The following DYRK1A variants were observed in gnomAD, a reference collection of about 807,000 sequenced individuals.
DYRK1A encodes dual specificity tyrosine phosphorylation regulated kinase 1A, also known as dual specificity tyrosine-phosphorylation-regulated kinase 1A.
In DYRK1A, 9 loss-of-function variants were observed where a neutral mutation model predicts 79.7. The observed-to-expected ratio is 0.11, with a 90% CI of 0.07 to 0.20. The LOEUF (loss-of-function observed/expected upper bound fraction) is 0.20. DYRK1A is among the 10% of genes least tolerant of loss of function. DYRK1A has a pLI of 1.00. For missense variants in DYRK1A, 622 were observed against 956.0 expected (o/e 0.65, Z 4.61); for synonymous variants, 349 against 329.7 (o/e 1.06, Z -0.63).
intron 2 of DYRK1A, among the ~76,000 whole-genome samples, chr21:37,457,101 G>A (rs967876404): frequency 1.3e-5 from 2 of 150,858 alleles, no homozygotes; most frequent in African/African-American, 4.9e-5. Flanking sequence ...ACAGAATCTC[G>A]CTCTGTTGCT....
At chr21:37,427,981 T>C (rs1035731613) in intron 2 of DYRK1A, among the ~76,000 whole-genome samples, 5 of 152,256 alleles carry the variant, frequency 3.3e-5, no homozygotes, top group African/African-American at 1.2e-4. Context: ...GAACCCTTAC[T>C]AGATGCCAAT....
At chr21:37,451,684 C>G (rs536257595) in intron 2 of DYRK1A, among the ~76,000 whole-genome samples, 1 of 151,830 alleles carries the variant, frequency 6.6e-6, no homozygotes, top group Admixed American at 6.6e-5. Flanking sequence ...GTAGGCTCCA[C>G]TGTCTAGCGT....
chr21:37,504,072 G>C (rs1205752166), intron 9 of DYRK1A: 3 of 152,182 alleles, frequency 2.0e-5, no homozygotes, highest in Non-Finnish European at 4.4e-5. Context: ...GTGGGGCTGA[G>C]TTGATCTCTT....
chr21:37,415,228 G>A (rs551206078), intron 1 of DYRK1A, among the ~76,000 whole-genome samples: 77 of 152,248 alleles, frequency 5.1e-4, no homozygotes, highest in African/African-American at 1.8e-3. Context: ...TCAGCTTTTA[G>A]TTCTTAAACC....
At chr21:37,430,308 A>G in intron 2 of DYRK1A, 1 of 973,516 alleles carries the variant, frequency 1.0e-6, no homozygotes, top group Non-Finnish European at 1.2e-6. Context: ...ATACTGGAAG[A>G]ACATAGTGTA....
rs2053967533 is a variant in DYRK1A at position 37,526,322 on chromosome 21, A to G, written c.*13791A>G. On this transcript the variant is annotated 3_prime_UTR_variant, in exon 12 of 12. Transcript: ENST00000647188. The stretch of plus-strand genomic sequence containing the variant: ...GTCTAATAGAATCTTATAAAAATGT[A>G]TAAATGTGTTTTATGTAATAAATAT... 2 of 152,228 alleles carry G rather than the reference A, an allele frequency of 1.3e-5. No individual in the cohort carries two copies. 9.4% of individuals were successfully genotyped at this position (152,228 alleles called of 1,614,324 possible).
intron 1 of DYRK1A, among the ~76,000 whole-genome samples, chr21:37,400,464 G>C (rs116724415): frequency 0.011 from 1,644 of 152,254 alleles, 26 homozygotes; most frequent in African/African-American, 0.036. Flanking sequence ...GCAACTTGTA[G>C]ATATATCATA....
intron 8 of DYRK1A, among the ~76,000 whole-genome samples, chr21:37,495,152 TTGTGTGTGTGTGTGTGTGTG>T (rs56226706): frequency 1.3e-3 from 179 of 137,740 alleles, no homozygotes; most frequent in East Asian, 3.0e-3. Flanking sequence ...CTCTGGGATT[TTGTGTGTGTGTGTGTGTGTG>T]TGTGTGTGTG....
intron 2 of DYRK1A, among the ~76,000 whole-genome samples, chr21:37,445,447 G>A (rs1330185230): frequency 6.6e-6 from 1 of 152,212 alleles, no homozygotes; most frequent in East Asian, 1.9e-4. Flanking sequence ...GGGGGATGAA[G>A]TAGTGACTAA....
intron 7 of DYRK1A, among the ~76,000 whole-genome samples, chr21:37,491,414 G>A (rs1434235016): frequency 6.6e-6 from 1 of 151,946 alleles, no homozygotes; most frequent in African/African-American, 2.4e-5. Context: ...AAGAAACCCG[G>A]CTAACATACA....
chr21:37,413,906 G>A (rs908454276), intron 1 of DYRK1A, among the ~76,000 whole-genome samples: 3 of 152,132 alleles, frequency 2.0e-5, no homozygotes, highest in Admixed American at 1.3e-4. Context: ...TAGCAGAGGG[G>A]AAGAAGCAGG....
At chr21:37,461,070 T>C (rs947443762) in intron 2 of DYRK1A, among the ~76,000 whole-genome samples, 3 of 152,162 alleles carry the variant, frequency 2.0e-5, no homozygotes, top group African/African-American at 7.2e-5. Flanking sequence ...CCTTTTACTG[T>C]AGGGTTAAGT....
chr21:37,479,262 T>G (rs2052511698), intron 4 of DYRK1A, among the ~76,000 whole-genome samples: 1 of 152,252 alleles, frequency 6.6e-6, no homozygotes, highest in Non-Finnish European at 1.5e-5. Flanking sequence ...AGTTAGATTT[T>G]GTACACATTT....
chr21:37,478,694 A>G (rs1420381640), intron 4 of DYRK1A, among the ~76,000 whole-genome samples: 2 of 152,162 alleles, frequency 1.3e-5, no homozygotes, highest in African/African-American at 4.8e-5. Flanking sequence ...TGCTTTTGCC[A>G]TGGGTGTCAG....
intron 1 of DYRK1A, among the ~76,000 whole-genome samples, chr21:37,381,375 C>T (rs2049655604): frequency 6.6e-6 from 1 of 152,240 alleles, no homozygotes; most frequent in East Asian, 1.9e-4. Context: ...CATGAAATGC[C>T]TACTATGTAT....
chr21:37,375,296 C>T (rs1007314754), intron 1 of DYRK1A, among the ~76,000 whole-genome samples: 2 of 152,140 alleles, frequency 1.3e-5, no homozygotes, highest in African/African-American at 4.8e-5. Context: ...TTAGTATCAG[C>T]ACTATTGTGG....
At chr21:37,459,430 G>C (rs1569341740) in intron 2 of DYRK1A, among the ~76,000 whole-genome samples, 1 of 152,114 alleles carries the variant, frequency 6.6e-6, no homozygotes, top group African/African-American at 2.4e-5. Flanking sequence ...CCAAATATTT[G>C]TTCATTTTCT....
At chr21:37,441,468 T>G (rs2051101547) in intron 2 of DYRK1A, among the ~76,000 whole-genome samples, 1 of 152,160 alleles carries the variant, frequency 6.6e-6, no homozygotes, top group Admixed American at 6.5e-5. Context: ...CTTTCCTCTT[T>G]TTCTCCTACC....
At chr21:37,448,598 G>C (rs1309337384) in intron 2 of DYRK1A, among the ~76,000 whole-genome samples, 1 of 152,132 alleles carries the variant, frequency 6.6e-6, no homozygotes, top group Non-Finnish European at 1.5e-5. Context: ...TTCTAGTACA[G>C]GTCATGATTT....
Sources: allele counts gnomAD v4.1 joint callset (sites outside exome capture counted in the v4.1 genomes callset), GRCh38; gene constraint gnomAD v4.1.1; transcripts MANE v1.5; gene names NCBI Gene and HGNC (gene_info 2026-07-23, HGNC 2026-07-21).